MNT: variants seen among roughly 807,000 people sequenced by gnomAD.
MNT encodes max-binding protein MNT.
A neutral mutation model predicts 40.7 loss-of-function variants in MNT; 13 were observed. The ratio of observed to expected loss-of-function variants is 0.32; its 90% CI spans 0.21 to 0.51. The LOEUF (loss-of-function observed/expected upper bound fraction) is 0.51. Among genes scored for constraint, MNT ranks in the 20% least tolerant of loss-of-function variants. MNT has a pLI of 0.98. For missense variants in MNT, 757 were observed against 792.0 expected (o/e 0.96, Z 0.53); for synonymous variants, 426 against 354.8 (o/e 1.20, Z -2.26).
At chr17:2,395,906 G>A (rs1283168143) in intron 1 of MNT, among the ~76,000 whole-genome samples, 1 of 152,094 alleles carries the variant, frequency 6.6e-6, no homozygotes, top group Non-Finnish European at 1.5e-5. Flanking sequence ...AGAGGGGGGG[G>A]TGTGCTGACA....
In MNT at chr17:2,387,666, G is replaced by T. The variant is rs371354674; in HGVS notation, c.1001-17C>A. 1 of 1,613,468 alleles carries T rather than the reference G, an allele frequency of 6.2e-7. No individual in the cohort carries two copies. Among genetic ancestry groups the T allele is most frequent in the African/African-American group, 1.3e-5 (1 of 74,912 alleles). The stretch of plus-strand genomic sequence containing the variant: ...CCTCACCCTCTGTGGGGAACATGGG[G>T]CAGGGAGCAGGTCAGAAGGGCGGGG... On this transcript the variant is annotated splice_polypyrimidine_tract_variant and intron_variant, in intron 5 of 5. Coordinates refer to ENST00000174618, the MANE Select transcript of MNT (RefSeq NM_020310.3).
In MNT at chr17:2,395,413, C is replaced by T; in HGVS notation, c.115G>A (p.Glu39Lys). 5.0e-6 allele frequency: 8 copies of T among 1,613,520 alleles called. No individual in the cohort carries two copies. Among genetic ancestry groups the T allele is most frequent in the Non-Finnish European group, 6.8e-6 (8 of 1,179,908 alleles). ...GCCAGGCTATTGGCCTTCTTCTGTT[C>T]CTGCTCTCGCTCCTGCTCCAAGCGA... The part of the protein sequence containing the change: ...RLRLEQEREQ[E>K]QKKANSLARL... The change falls in exon 2 of 6, where the codon GAA becomes AAA. Residue 39 changes from glutamate (E) to lysine (K), a missense_variant. Glu to Lys is a moderately conservative substitution (Grantham distance 56). Coordinates refer to ENST00000174618, the MANE Select transcript of MNT (RefSeq NM_020310.3).
chr17:2,398,406 G>A (rs961715355), intron 1 of MNT, among the ~76,000 whole-genome samples: 51 of 152,210 alleles, frequency 3.4e-4, no homozygotes, highest in Admixed American at 5.2e-4. Flanking sequence ...AGGACAAGAG[G>A]ATCCCTGTCC....
rs1262952851 is a variant in MNT, at chr17:2,384,874, G to A, written c.*2027C>T. 1 of 152,598 alleles carries A rather than the reference G, an allele frequency of 6.6e-6. No individual in the cohort carries two copies. Among genetic ancestry groups the A allele is most frequent in the African/African-American group, 2.4e-5 (1 of 41,414 alleles). 9.5% of individuals were successfully genotyped at this position (152,598 alleles called of 1,614,324 possible). On this transcript the variant is annotated 3_prime_UTR_variant, in exon 6 of 6. Coordinates refer to ENST00000174618, the MANE Select transcript of MNT (RefSeq NM_020310.3). ...GATGCTGGGGGACAGGGACGGGGAG[G>A]GGCAGCGGGTGGATGATGAGGTATC...
In MNT at chr17:2,395,177, C is replaced by CGCCAGGGGCAGAGGCTGGGCT; in HGVS notation, c.330_350dup (p.Ala111_Ala117dup). 1 of 1,442,254 alleles carries CGCCAGGGGCAGAGGCTGGGCT rather than the reference C, an allele frequency of 6.9e-7. No homozygotes were observed. The allele number at this position is 1,442,254 out of a possible 1,614,324, so 89.3% of individuals were successfully genotyped here. A position where few individuals can be genotyped will look rare whatever the true frequency, so the allele number is the denominator to read the frequency against. On this transcript the variant is annotated inframe_insertion, in exon 2 of 6. Coordinates refer to ENST00000174618, the MANE Select transcript of MNT (RefSeq NM_020310.3). ...CGCCAACCAGGGCCGGCTGACGAGG[C>CGCCAGGGGCAGAGGCTGGGCT]GCCAGGGGCAGAGGCTGGGCTGCCG...
intron 2 of MNT, among the ~76,000 whole-genome samples, 177 bp from the exon 3 acceptor site, chr17:2,394,523 T>G (rs1173051333): frequency 1.3e-5 from 2 of 152,044 alleles, no homozygotes; most frequent in Non-Finnish European, 2.9e-5. Context: ...GACACATCTG[T>G]GCTCATAATC....
chr17:2,400,826 G>A lies in MNT; in HGVS notation c.-114C>T. The A allele has an allele frequency of 1.3e-6, 1 of 745,444 alleles. No homozygotes were observed. The highest frequency in any genetic ancestry group is 3.4e-5 in the East Asian group (1 of 29,488). The allele number at this position is 745,444 out of a possible 1,614,324, so 46.2% of individuals were successfully genotyped here. A position where few individuals can be genotyped will look rare whatever the true frequency, so the allele number is the denominator to read the frequency against. ...GGGATCACCTCCGGGGGGCGACAGG[G>A]CTGGGCGGCGCAGCGCACTCCGCAG... On this transcript the variant is annotated 5_prime_UTR_variant, in exon 1 of 6. Transcript: ENST00000174618.
chr17:2,384,089 G>A lies in MNT; in HGVS notation c.*2812C>T, dbSNP rs1024859237. ...AGCTCCATCTCAGGTTTCAGTGCAGGTTTATTTCAGTTTTATATTTTATTC... is the reference window on the plus strand; with the variant it reads ...AGCTCCATCTCAGGTTTCAGTGCAGATTTATTTCAGTTTTATATTTTATTC... On this transcript the variant is annotated 3_prime_UTR_variant, in exon 6 of 6. Coordinates refer to ENST00000174618, the MANE Select transcript of MNT (RefSeq NM_020310.3). 1 of 152,420 alleles carries A rather than the reference G, an allele frequency of 6.6e-6. No homozygotes were observed. The highest frequency in any genetic ancestry group is 1.5e-5 in the Non-Finnish European group (1 of 68,014). 9.4% of individuals were successfully genotyped at this position (152,420 alleles called of 1,614,324 possible).
At chr17:2,394,665 C>T (rs1447385236) in intron 2 of MNT, among the ~76,000 whole-genome samples, 2 of 152,178 alleles carry the variant, frequency 1.3e-5, no homozygotes, top group Non-Finnish European at 2.9e-5. Context: ...TGCCATAAGC[C>T]TCAGCCTTGG....
chr17:2,391,959 T>A (rs185084152), intron 4 of MNT: 13 of 152,384 alleles, frequency 8.5e-5, no homozygotes, highest in Non-Finnish European at 1.6e-4. Flanking sequence ...CCAAAAAGCA[T>A]CCTGTTCCCT....
Position 2,385,973 on chromosome 17 carries a change from A to C in MNT, c.*928T>G, listed in dbSNP as rs1443709034. On this transcript the variant is annotated 3_prime_UTR_variant, in exon 6 of 6. Transcript: ENST00000174618. ...GTGCCCAGCACTCAGCAGAGGTCAG[A>C]GATCAGGGGCTGAACGCAGGACAGC... The C allele has an allele frequency of 6.6e-6, 1 of 152,322 alleles. No individual in the cohort carries two copies. The highest frequency in any genetic ancestry group is 1.5e-5 in the Non-Finnish European group (1 of 68,122). 9.4% of individuals were successfully genotyped at this position (152,322 alleles called of 1,614,324 possible).
At chr17:2,399,303 C>T (rs1048835522) in intron 1 of MNT, among the ~76,000 whole-genome samples, 2 of 152,130 alleles carry the variant, frequency 1.3e-5, no homozygotes, top group African/African-American at 2.4e-5. Flanking sequence ...CAGGGACCAC[C>T]AACAGGGCGC....
In MNT at chr17:2,388,587, T is replaced by C. The variant is rs2066487846; in HGVS notation, c.808-538A>G. ...CCCGACCCCCTAGGCGACTCTCCAC[T>C]GTGCCCGCCTGTGACGCTTCTCGAC... On this transcript the variant is annotated intron_variant, in intron 4 of 5. Transcript: ENST00000174618. Among the ~76,000 whole-genome samples the C allele has an allele frequency of 2.0e-5, 3 of 152,000 alleles. No individual in the cohort carries two copies. In the South Asian group the frequency reaches 6.2e-4, roughly 31 times the overall value.
intron 4 of MNT, among the ~76,000 whole-genome samples, chr17:2,392,520 G>A (rs985005828): frequency 5.3e-5 from 8 of 152,234 alleles, no homozygotes; most frequent in Non-Finnish European, 1.0e-4. Context: ...TAATAGCTAA[G>A]CAAATGTCGG....
chr17:2,398,809 C>T (rs2066594218), intron 1 of MNT, among the ~76,000 whole-genome samples: 1 of 152,240 alleles, frequency 6.6e-6, no homozygotes, highest in Admixed American at 6.5e-5. Flanking sequence ...CAGGGGCACT[C>T]TCCACTGCCA....
At chr17:2,398,939 A>T (rs915948806) in intron 1 of MNT, among the ~76,000 whole-genome samples, 4 of 151,982 alleles carry the variant, frequency 2.6e-5, no homozygotes, top group African/African-American at 9.7e-5. Flanking sequence ...TGACCTTGAG[A>T]GGCCGGTCGC....
Position 2,385,551 on chromosome 17 carries a change from C to T in MNT, c.*1350G>A, listed in dbSNP as rs914218400. On this transcript the variant is annotated 3_prime_UTR_variant, in exon 6 of 6. Transcript: ENST00000174618. Reference sequence around the variant, plus strand: ...GAGAAAGCCGCATCCTAACACAGAGCCCCTGACTCCTCCCCCTTCCACGCT... The same window carrying T: ...GAGAAAGCCGCATCCTAACACAGAGTCCCTGACTCCTCCCCCTTCCACGCT... 2.0e-5 allele frequency: 3 copies of T among 152,548 alleles called. No homozygotes were observed. The highest frequency in any genetic ancestry group is 4.4e-5 in the Non-Finnish European group (3 of 68,184). The allele number at this position is 152,548 out of a possible 1,614,324, so 9.4% of individuals were successfully genotyped here.
rs73976524 is a variant in MNT at position 2,388,932 on chromosome 17, G to A, written c.808-883C>T. 1.6e-3 allele frequency among the ~76,000 whole-genome samples: 251 copies of A among 152,160 alleles called. 1 individual carries two copies. Among genetic ancestry groups the A allele is most frequent in the African/African-American group, 5.6e-3 (233 of 41,498 alleles). The stretch of plus-strand genomic sequence containing the variant: ...TTGCTGCCTCCCGAGTCCCTTTCTT[G>A]GCCTGCTCTCGAGCTCCTAGCTTCC... On this transcript the variant is annotated intron_variant, in intron 4 of 5. Transcript: ENST00000174618.
chr17:2,390,320 G>A (rs940210899), intron 4 of MNT: 2 of 152,298 alleles, frequency 1.3e-5, no homozygotes, highest in Non-Finnish European at 2.9e-5. Context: ...TTAGACCCAG[G>A]TTTCCCTTCT....
Sources: gnomAD v4.1 joint callset for allele counts (sites outside exome capture counted in the v4.1 genomes callset) on GRCh38, gnomAD v4.1.1 for gene constraint, MANE v1.5 for transcripts, NCBI Gene and HGNC (gene_info 2026-07-23, HGNC 2026-07-21) for gene names.